The following RBM33 variants were observed in gnomAD, a reference collection of about 807,000 sequenced individuals.
RBM33 encodes the protein RNA binding motif protein 33, also known as RNA-binding protein 33.
In RBM33, 28 loss-of-function variants were observed where a neutral mutation model predicts 132.6. The ratio of observed to expected loss-of-function variants is 0.21; its 90% confidence interval spans 0.16 to 0.29. The LOEUF is 0.29. RBM33 is among the 10% of genes least tolerant of loss of function. The probability of loss-of-function intolerance (pLI) is 1.00; values close to 1 mark genes in which losing one functional copy is unlikely to be tolerated. For synonymous variants in RBM33, 634 were observed against 593.0 expected (o/e 1.07, Z -1.01); for missense variants, 1,291 against 1,518.5 (o/e 0.85, Z 2.49).
At chr7:155,679,049 A>G (rs1205431220) in intron 4 of RBM33, among the ~76,000 whole-genome samples, 1 of 152,124 alleles carries the variant, frequency 6.6e-6, no homozygotes, top group Admixed American at 6.5e-5. Flanking sequence ...GCCCGCGCCT[A>G]TAGTCCCAGC....
intron 16 of RBM33, among the ~76,000 whole-genome samples, chr7:155,770,509 T>C (rs981476371): frequency 2.0e-5 from 3 of 151,822 alleles, no homozygotes; most frequent in African/African-American, 7.3e-5. Flanking sequence ...TGCTCTAGGG[T>C]GGGGCTCAAG....
At chr7:155,741,651 G>C (rs781158690) in intron 12 of RBM33, among the ~76,000 whole-genome samples, 168 bp from the exon 13 acceptor site, 1 of 152,156 alleles carries the variant, frequency 6.6e-6, no homozygotes, top group African/African-American at 2.4e-5. Flanking sequence ...TGGATCAGGT[G>C]ACATTTATGT....
At chr7:155,682,416 T>A (rs1357583878) in intron 5 of RBM33, among the ~76,000 whole-genome samples, 1 of 152,190 alleles carries the variant, frequency 6.6e-6, no homozygotes, top group East Asian at 1.9e-4. Flanking sequence ...GCTTTACTGG[T>A]GTGTTTGTAT....
chr7:155,683,045 T>C (rs1799379178), intron 5 of RBM33, among the ~76,000 whole-genome samples: 1 of 152,168 alleles, frequency 6.6e-6, no homozygotes, highest in Non-Finnish European at 1.5e-5. Context: ...AGTGTTCTGA[T>C]GTTTTCACAG....
Position 155,706,950 on chromosome 7 carries a change from G to A in RBM33, c.830G>A (p.Gly277Glu), listed in dbSNP as rs759331416. 1 of 1,604,208 alleles carries A rather than the reference G, an allele frequency of 6.2e-7. No homozygotes were observed. The highest frequency in any genetic ancestry group is 8.5e-7 in the Non-Finnish European group (1 of 1,175,570). The change falls in exon 7 of 18, where the codon GGA becomes GAA. Residue 277 changes from glycine to glutamate, a missense_variant. Around this residue, in one of 7 missense-constraint regions of RBM33, gnomAD observed 34 missense variants for 46.5 expected, o/e 0.73. Coordinates refer to ENST00000401878, the MANE Select transcript of RBM33 (RefSeq NM_053043.3). ...GGACGCTACAGCTCCAGGCGGGGAG[G>A]ACGGCGAGGAGGTCCGCTGATGTGT... is the stretch of plus-strand genomic sequence containing the variant. Reference protein sequence around the residue: ...KQGRYSSRRGGRRGGPLMCRG... With the variant: ...KQGRYSSRRGERRGGPLMCRG...
chr7:155,721,657 TAC>T (rs1439382993), intron 9 of RBM33, among the ~76,000 whole-genome samples: 6 of 148,936 alleles, frequency 4.0e-5, no homozygotes, highest in Admixed American at 1.3e-4. Context: ...TGAGTTATAA[TAC>T]CTCTAGTTTT....
rs1300483554 is a variant in RBM33 at position 155,726,777 on chromosome 7, G to A, written c.1260+8334G>A. Among the ~76,000 whole-genome samples, 3 of 152,194 alleles carry A rather than the reference G, an allele frequency of 2.0e-5. No homozygotes were observed. In the East Asian group the frequency reaches 5.8e-4, roughly 29 times the overall value. ...AGATTTTGGAACCATGATTTATATG[G>A]CATTTCTTGGAGATAGATTTGTCTT... On this transcript the variant is annotated intron_variant, in intron 9 of 17. Transcript: ENST00000401878.
intron 14 of RBM33, among the ~76,000 whole-genome samples, chr7:155,754,134 A>G (rs1012561581): frequency 3.9e-5 from 6 of 152,250 alleles, no homozygotes; most frequent in African/African-American, 1.4e-4. Flanking sequence ...TTTTGAACAC[A>G]TAAGAATTTC....
At chr7:155,711,059 C>T in intron 7 of RBM33, 144 bp from the exon 8 acceptor site, 2 of 1,221,684 alleles carry the variant, frequency 1.6e-6, no homozygotes, top group East Asian at 3.1e-5. Context: ...GTTGTTACTA[C>T]AGACTTCTTA....
At chr7:155,703,218 A>G (rs1220082215) in intron 6 of RBM33, among the ~76,000 whole-genome samples, 1 of 152,114 alleles carries the variant, frequency 6.6e-6, no homozygotes, top group African/African-American at 2.4e-5. Context: ...TTCCAAGGTC[A>G]TTGACAATTT....
rs1293825978 is a variant in RBM33, at chr7:155,777,665, G to A, written c.*2624G>A. ...AGCATTTAGCATACCATGTAAATAT[G>A]GACCTTTTAAAATTAAAATACTATT... On this transcript the variant is annotated 3_prime_UTR_variant, in exon 18 of 18. Transcript: ENST00000401878. 6.6e-6 allele frequency: 1 copy of A among 152,590 alleles called. No homozygotes were observed. The highest frequency in any genetic ancestry group is 1.5e-5 in the Non-Finnish European group (1 of 68,030). 9.5% of individuals were successfully genotyped at this position (152,590 alleles called of 1,614,324 possible).
At chr7:155,700,546 C>CTTTTTTTTTTTTTTTTTTTTTTTTTTT (rs529323301) in intron 5 of RBM33, among the ~76,000 whole-genome samples, 2 of 85,600 alleles carry the variant, frequency 2.3e-5, no homozygotes, top group Non-Finnish European at 4.5e-5. Context: ...AGAATTTGAC[C>CTTTTTTTTTTTTTTTTTTTTTTTTTTT]TTTTTTTTTT....
Position 155,700,892 on chromosome 7 carries a change from T to C in RBM33, c.687T>C (p.Ile229=), listed in dbSNP as rs1326723405. The change falls in exon 6 of 18, where the codon ATT becomes ATC. Residue 229 remains isoleucine, a synonymous_variant. Coordinates refer to ENST00000401878, the MANE Select transcript of RBM33 (RefSeq NM_053043.3). ...AAACTGAAAGGAAAGAAGGAACAAT[T>C]ATTAGGCTCTCAGATGTAACTAGAG... The part of the protein sequence containing the change: ...RFKTERKEGT[I]IRLSDVTRER... 1 of 1,613,080 alleles carries C rather than the reference T, an allele frequency of 6.2e-7. No individual in the cohort carries two copies. Among genetic ancestry groups the C allele is most frequent in the Non-Finnish European group, 8.5e-7 (1 of 1,179,540 alleles).
intron 9 of RBM33, among the ~76,000 whole-genome samples, chr7:155,735,333 A>G (rs566201105): frequency 6.6e-6 from 1 of 152,368 alleles, no homozygotes; most frequent in African/African-American, 2.4e-5. Context: ...CAGATGTAGT[A>G]AGTAACAGTA....
chr7:155,667,299 A>G (rs574020036), intron 2 of RBM33, among the ~76,000 whole-genome samples: 1 of 152,200 alleles, frequency 6.6e-6, no homozygotes, highest in South Asian at 2.1e-4. Flanking sequence ...TCTGTCACGC[A>G]GGTGGAGTGT....
intron 1 of RBM33, among the ~76,000 whole-genome samples, chr7:155,653,686 G>A (rs1195584664): frequency 6.6e-6 from 1 of 152,192 alleles, no homozygotes; most frequent in East Asian, 1.9e-4. Flanking sequence ...GGAGGGTGGT[G>A]CACCCTGACC....
intron 3 of RBM33, among the ~76,000 whole-genome samples, chr7:155,675,616 G>A (rs950835636): frequency 6.6e-6 from 1 of 152,106 alleles, no homozygotes; most frequent in East Asian, 1.9e-4. Context: ...GTTAAAGGCT[G>A]TTTTGCTTCC....
At chr7:155,652,922 A>G (rs1798395900) in intron 1 of RBM33, among the ~76,000 whole-genome samples, 1 of 152,212 alleles carries the variant, frequency 6.6e-6, no homozygotes, top group African/African-American at 2.4e-5. Context: ...TATTAAGAAT[A>G]TAAACAGGCT....
At chr7:155,707,320 C>T (rs1382880664) in intron 7 of RBM33, 7 of 606,882 alleles carry the variant, frequency 1.2e-5, no homozygotes, top group South Asian at 9.1e-5. Flanking sequence ...AATTAATGAG[C>T]GACCTGATGC....
Sources: allele counts gnomAD v4.1 joint callset (sites outside exome capture counted in the v4.1 genomes callset), GRCh38; gene constraint gnomAD v4.1.1; regional missense constraint gnomAD v4.1.1; transcripts MANE v1.5; gene names NCBI Gene and HGNC (gene_info 2026-07-23, HGNC 2026-07-21).